Variants in NUP42 observed in about 807,000 individuals in gnomAD.
NUP42 encodes nucleoporin 42.
A neutral mutation model predicts 35.9 loss-of-function variants in NUP42; 47 were observed. The observed-to-expected ratio is 1.31, with a 90% CI of 1.04 to 1.67. NUP42 has a LOEUF of 1.67. Ranked by LOEUF, NUP42 falls within the 40% of genes most tolerant of loss-of-function variation. NUP42 has a pLI of 0.00. For synonymous variants in NUP42, 173 were observed against 173.3 expected, an observed-to-expected ratio of 1.00 and a Z score of 0.01; for missense variants, 514 against 492.2, an observed-to-expected ratio of 1.04 and a Z score of -0.42.
intron 2 of NUP42, 57 bp downstream of exon 2, chr7:23,185,355 A>C: frequency 8.6e-7 from 1 of 1,161,978 alleles, no homozygotes; most frequent in Non-Finnish European, 1.3e-6. Flanking sequence ...TTTCACCTAC[A>C]ATCTTTGTTG....
Position 23,195,928 on chromosome 7 carries a change from C to T in NUP42, c.522+13C>T, listed in dbSNP as rs888394251. The T allele has an allele frequency of 6.6e-6, 10 of 1,525,038 alleles. No homozygotes were observed. Among genetic ancestry groups the T allele is most frequent in the Non-Finnish European group, 9.0e-6 (10 of 1,109,072 alleles). The allele number at this position is 1,525,038 out of a possible 1,614,324, so 94.5% of individuals were successfully genotyped here. On this transcript the variant is annotated intron_variant, in intron 4 of 6. Transcript: ENST00000258742. ...CTTACAGAGTTATGTAAGTTTGTTTCCTATTAATCTACTGCAATAACAGAT... is the reference window on the plus strand; with the variant it reads ...CTTACAGAGTTATGTAAGTTTGTTTTCTATTAATCTACTGCAATAACAGAT...
At chr7:23,185,025 A>G (rs1785541897) in intron 1 of NUP42, 45 bp from the exon 2 acceptor site, 7 of 1,493,870 alleles carry the variant, frequency 4.7e-6, no homozygotes, top group Non-Finnish European at 6.4e-6. Context: ...GAAAATAGAA[A>G]GAAAAGTTGC....
At chr7:23,195,696 T>A (rs1005212665) in intron 3 of NUP42, 143 bp from the exon 4 acceptor site, 1 of 578,844 alleles carries the variant, frequency 1.7e-6, no homozygotes, top group Non-Finnish European at 3.0e-6. Context: ...AAACATTAAG[T>A]AGAGTGTAGG....
At chr7:23,195,574 A>C (rs1461745972) in intron 3 of NUP42, 5 of 303,158 alleles carry the variant, frequency 1.6e-5, no homozygotes, top group Non-Finnish European at 2.4e-5. Flanking sequence ...AAATGTAGTC[A>C]AATCTTTCTC....
intron 4 of NUP42, 91 bp from the exon 5 acceptor site, chr7:23,196,589 A>G: frequency 3.2e-6 from 3 of 938,232 alleles, no homozygotes; most frequent in East Asian, 2.5e-5. Flanking sequence ...ACCTTTTGTG[A>G]TTTTGGCAAA....
At position 23,200,462 on chromosome 7, in the gene NUP42, C is replaced by G; in HGVS notation, c.989C>G (p.Ala330Gly). 6.2e-7 allele frequency: 1 copy of G among 1,614,220 alleles called. No homozygotes were observed. The highest frequency in any genetic ancestry group is 1.1e-5 in the South Asian group (1 of 91,086). ...PASLATGPVR[A>G]PVAPAFGGGS... ...TCCTTGGCAACAGGTCCTGTCAGAGCTCCAGTGGCCCCAGCCTTTGGAGGT... is the reference window on the plus strand; with the variant it reads ...TCCTTGGCAACAGGTCCTGTCAGAGGTCCAGTGGCCCCAGCCTTTGGAGGT... The change falls in exon 7 of 7, where the codon GCT (alanine) becomes GGT (glycine). Residue 330 changes from alanine to glycine, a missense_variant. Transcript: ENST00000258742.
At chr7:23,194,572 G>C (rs1045758278) in intron 3 of NUP42, 2 of 153,184 alleles carry the variant, frequency 1.3e-5, no homozygotes, top group Admixed American at 1.3e-4. Context: ...TGTTGGCCCG[G>C]CTGGTCTTGA....
chr7:23,200,402 G>A lies in NUP42; in HGVS notation c.929G>A (p.Ser310Asn). The A allele has an allele frequency of 6.2e-7, 1 of 1,614,170 alleles. No homozygotes were observed. The highest frequency in any genetic ancestry group is 8.5e-7 in the Non-Finnish European group (1 of 1,180,016). The change falls in exon 7 of 7, where the codon AGT becomes AAT. Residue 310 changes from serine to asparagine, a missense_variant. Ser to Asn is a conservative substitution (Grantham distance 46). Coordinates refer to ENST00000258742, the MANE Select transcript of NUP42 (RefSeq NM_007342.3). ...TCATTCAAAAGCCCTGCAGCTTCCAGTTTTGGATCACCTGGATTTTCAGGA... is the reference window on the plus strand; with the variant it reads ...TCATTCAAAAGCCCTGCAGCTTCCAATTTTGGATCACCTGGATTTTCAGGA... ...SFSFKSPAAS[S>N]FGSPGFSGLP...
In NUP42 at chr7:23,200,224, A is replaced by T. The variant is rs774574630; in HGVS notation, c.751A>T (p.Asn251Tyr). The change falls in exon 7 of 7, where the codon AAC (asparagine) becomes TAC (tyrosine). Residue 251 changes from asparagine to tyrosine, a missense_variant. Physicochemically the swap from Asn to Tyr is moderately radical, Grantham distance 143. Transcript: ENST00000258742. The stretch of plus-strand genomic sequence containing the variant: ...TGCTCAGAACTTTAGTTTTAAAACA[A>T]ACTCTGGATTTGCTGCTGCCTCTTC... ...DNAQNFSFKT[N>Y]SGFAAASSGS... The T allele has an allele frequency of 1.2e-6, 2 of 1,604,124 alleles. No individual in the cohort carries two copies. Among genetic ancestry groups the T allele is most frequent in the Non-Finnish European group, 1.7e-6 (2 of 1,173,956 alleles).
At chr7:23,188,456 A>C in intron 3 of NUP42, 1 of 985,460 alleles carries the variant, frequency 1.0e-6, no homozygotes, top group Non-Finnish European at 1.2e-6. Flanking sequence ...TAATCAGCTT[A>C]AGTATTAGTA....
intron 3 of NUP42, among the ~76,000 whole-genome samples, chr7:23,190,177 G>T (rs1785742857): frequency 6.6e-6 from 1 of 152,106 alleles, no homozygotes; most frequent in Admixed American, 6.5e-5. Context: ...TAGTATCAAA[G>T]AAAAATGTCC....
intron 5 of NUP42, 104 bp from the exon 6 acceptor site, chr7:23,199,354 T>C (rs1218689430): frequency 4.3e-6 from 4 of 931,848 alleles, no homozygotes; most frequent in African/African-American, 1.6e-5. Flanking sequence ...ACCCAGCCTT[T>C]AATGCACATT....
intron 3 of NUP42, among the ~76,000 whole-genome samples, chr7:23,193,937 C>T (rs1785913473): frequency 6.6e-6 from 1 of 152,236 alleles, no homozygotes; most frequent in Non-Finnish European, 1.5e-5. Flanking sequence ...GCCGGCACTG[C>T]TGAGGACCCA....
intron 5 of NUP42, 59 bp downstream of exon 5, chr7:23,196,825 A>T: frequency 8.2e-7 from 1 of 1,214,202 alleles, no homozygotes; most frequent in Non-Finnish European, 1.2e-6. Context: ...TTTGCAGAGG[A>T]TATTTTACTT....
chr7:23,191,251 A>G (rs1397886492), intron 3 of NUP42, among the ~76,000 whole-genome samples: 1 of 152,204 alleles, frequency 6.6e-6, no homozygotes, highest in African/African-American at 2.4e-5. Flanking sequence ...AACTTTAAGC[A>G]AAAGAGGGAC....
chr7:23,193,919 G>A (rs536676086), intron 3 of NUP42, among the ~76,000 whole-genome samples: 1 of 152,378 alleles, frequency 6.6e-6, no homozygotes, highest in South Asian at 2.1e-4. Flanking sequence ...CCAGCGCAGC[G>A]CCGGTGGGCC....
intron 3 of NUP42, among the ~76,000 whole-genome samples, chr7:23,192,151 C>T (rs535546866): frequency 7.9e-5 from 12 of 152,232 alleles, no homozygotes; most frequent in African/African-American, 2.4e-4. Context: ...TAAAGTTTAG[C>T]GGCACTGATC....
chr7:23,186,666 A>C (rs1785606450), intron 2 of NUP42, among the ~76,000 whole-genome samples: 1 of 152,192 alleles, frequency 6.6e-6, no homozygotes, highest in South Asian at 2.1e-4. Flanking sequence ...TAAAGTTAGT[A>C]TTTTAGATTT....
At chr7:23,187,940 C>CTGGG in intron 3 of NUP42, 1 of 267,084 alleles carries the variant, frequency 3.7e-6, no homozygotes, top group Non-Finnish European at 7.2e-6. Flanking sequence ...TTCTCTGTCT[C>CTGGG]TCTCTCTCTC....
Sources: gnomAD v4.1 joint callset for allele counts (sites outside exome capture counted in the v4.1 genomes callset) on GRCh38, gnomAD v4.1.1 for gene constraint, MANE v1.5 for transcripts, NCBI Gene and HGNC (gene_info 2026-07-23, HGNC 2026-07-21) for gene names.